Variants in REV3L observed in about 807,000 individuals in gnomAD.
REV3L encodes the protein DNA polymerase zeta catalytic subunit.
REV3L carries 69 observed loss-of-function variants against 299.4 expected under a neutral mutation model. The ratio of observed to expected loss-of-function variants is 0.23; its 90% CI spans 0.19 to 0.28. The LOEUF is 0.28. REV3L is among the 10% of genes least tolerant of loss of function. The pLI, the probability that REV3L is intolerant of heterozygous loss-of-function variation, is 1.00. For synonymous variants in REV3L, 1,238 were observed against 1,271.4 expected, an observed-to-expected ratio of 0.97 and a Z score of 0.56; for missense variants, 3,128 against 3,693.8, an observed-to-expected ratio of 0.85 and a Z score of 3.97.
intron 9 of REV3L, among the ~76,000 whole-genome samples, chr6:111,385,244 A>G (rs931945840): frequency 2.0e-5 from 3 of 152,122 alleles, no homozygotes; most frequent in Non-Finnish European, 4.4e-5. Context: ...AAAATAACTA[A>G]AAGTATAATT....
intron 11 of REV3L, among the ~76,000 whole-genome samples, chr6:111,378,539 A>T (rs952441090): frequency 6.6e-6 from 1 of 152,200 alleles, no homozygotes; most frequent in African/African-American, 2.4e-5. Flanking sequence ...TCAGAGGTCC[A>T]GTCCAACTTT....
chr6:111,317,257 A>G (rs995870093), intron 26 of REV3L, among the ~76,000 whole-genome samples: 28 of 152,232 alleles, frequency 1.8e-4, no homozygotes, highest in Admixed American at 1.4e-3. Flanking sequence ...TACTTGCCTG[A>G]CAGCCTAATA....
At chr6:111,471,294 C>A (rs1216939010) in intron 1 of REV3L, among the ~76,000 whole-genome samples, 1 of 151,210 alleles carries the variant, frequency 6.6e-6, no homozygotes, top group Non-Finnish European at 1.5e-5. Flanking sequence ...AAATAAGGTT[C>A]TTTTCAGGTC....
At chr6:111,306,283 A>G (rs1270781597) in intron 31 of REV3L, among the ~76,000 whole-genome samples, 1 of 152,140 alleles carries the variant, frequency 6.6e-6, no homozygotes, top group Admixed American at 6.5e-5. Flanking sequence ...TCCTGGCAGA[A>G]GGAGCAGGGT....
At chr6:111,408,217 G>A (rs1208327903) in intron 3 of REV3L, among the ~76,000 whole-genome samples, 2 of 152,192 alleles carry the variant, frequency 1.3e-5, no homozygotes, top group African/African-American at 4.8e-5. Context: ...GAGAATGGAT[G>A]TAAATGCAAT....
chr6:111,449,384 C>A (rs1361765616), intron 1 of REV3L, among the ~76,000 whole-genome samples: 1 of 119,224 alleles, frequency 8.4e-6, no homozygotes, highest in African/African-American at 2.5e-5. Context: ...TAGTAGAATA[C>A]CGGGAGAAGA....
chr6:111,483,157 G>A lies in REV3L; in HGVS notation c.-269C>T, dbSNP rs535257653. 8.2e-6 allele frequency: 4 copies of A among 489,632 alleles called. No homozygotes were observed. The South Asian group carries it at 1.1e-4, about 13-fold the overall frequency. 30.3% of individuals were successfully genotyped at this position (489,632 alleles called of 1,614,324 possible). Reference sequence around the variant, plus strand: ...TGCTGCCGCCACTGCCGCCACCGCCGGGAATCACACGGGCTCCTCGGTCCC... The same window carrying A: ...TGCTGCCGCCACTGCCGCCACCGCCAGGAATCACACGGGCTCCTCGGTCCC... On this transcript the variant is annotated 5_prime_UTR_variant, in exon 1 of 32. Coordinates refer to ENST00000368802, the MANE Select transcript of REV3L (RefSeq NM_001372078.1).
At chr6:111,395,876 TATC>T (rs992927567) in intron 4 of REV3L, among the ~76,000 whole-genome samples, 7 of 152,212 alleles carry the variant, frequency 4.6e-5, no homozygotes, top group African/African-American at 1.7e-4. Context: ...ATGATTAACT[TATC>T]AAGAGTTTTT....
intron 23 of REV3L, 103 bp downstream of exon 23, chr6:111,333,019 TC>T: frequency 7.5e-7 from 1 of 1,341,910 alleles, no homozygotes; most frequent in Non-Finnish European, 1.0e-6. Context: ...TTTATCTTGC[TC>T]ATAGGGAAGG....
At chr6:111,313,632 G>T in intron 27 of REV3L, 143 bp from the exon 28 acceptor site, 1 of 725,396 alleles carries the variant, frequency 1.4e-6, no homozygotes, top group Non-Finnish European at 2.1e-6. Flanking sequence ...ACAAATTCAT[G>T]ATATAACACG....
intron 24 of REV3L, chr6:111,330,998 T>TG (rs1351483136): frequency 5.1e-6 from 5 of 985,182 alleles, no homozygotes; most frequent in Non-Finnish European, 6.0e-6. Context: ...TGAGGGCTGG[T>TG]GGGGTCCACT....
intron 27 of REV3L, among the ~76,000 whole-genome samples, chr6:111,313,783 A>C (rs557606841): frequency 6.6e-6 from 1 of 152,068 alleles, no homozygotes; most frequent in South Asian, 2.1e-4. Flanking sequence ...TCTCAACTTT[A>C]TTTTTCCGGA....
In REV3L at chr6:111,367,115, C is replaced by G. The variant is rs1562191839; in HGVS notation, c.6673G>C (p.Glu2225Gln). The G allele has an allele frequency of 1.3e-6, 2 of 1,564,338 alleles. No homozygotes were observed. The highest frequency in any genetic ancestry group is 1.7e-6 in the Non-Finnish European group (2 of 1,159,386). Reference sequence around the variant, plus strand: ...GACTTCCTGTTATTTGTACACTTACCTGTTGATAATGGGCTAAGGCCAGGT... The same window carrying G: ...GACTTCCTGTTATTTGTACACTTACGTGTTGATAATGGGCTAAGGCCAGGT... ...EAPGLSPLST[E>Q]PKTQKLSNKK... Residue 2225 changes from glutamate to glutamine, a missense_variant and splice_region_variant, in exon 14 of 32, where the codon GAA becomes CAA. This residue lies in a region of REV3L where 2,409 missense variants were observed against 2,611.8 expected (regional missense o/e 0.92). Transcript: ENST00000368802.
chr6:111,404,237 A>C (rs1407268914), intron 4 of REV3L, among the ~76,000 whole-genome samples: 3 of 152,188 alleles, frequency 2.0e-5, no homozygotes, highest in Non-Finnish European at 4.4e-5. Context: ...CTATAAGTGG[A>C]TCAAAAAAGC....
chr6:111,472,612 A>G (rs900319630), intron 1 of REV3L, among the ~76,000 whole-genome samples: 4 of 152,082 alleles, frequency 2.6e-5, no homozygotes, highest in African/African-American at 7.2e-5. Flanking sequence ...TTCCATTGAC[A>G]ATTACTACTC....
Position 111,351,700 on chromosome 6 carries a change from A to C in REV3L, c.7276T>G (p.Cys2426Gly), listed in dbSNP as rs144638586. 1 of 1,613,616 alleles carries C rather than the reference A, an allele frequency of 6.2e-7. No individual in the cohort carries two copies. Among genetic ancestry groups the C allele is most frequent in the Non-Finnish European group, 8.5e-7 (1 of 1,179,692 alleles). Reference protein sequence around the residue: ...QRAAALSIDLCRMISRVPDDK... With the variant: ...QRAAALSIDLGRMISRVPDDK... ...CCTGGCACCCGAGAGATCATCCGAC[A>C]TAAGTCAATACTTAAAGCGGCAGCC... is the stretch of plus-strand genomic sequence containing the variant. The change falls in exon 19 of 32, where the codon TGT becomes GGT. Residue 2426 changes from cysteine (C) to glycine (G), a missense_variant. Coordinates refer to ENST00000368802, the MANE Select transcript of REV3L (RefSeq NM_001372078.1).
intron 1 of REV3L, chr6:111,472,200 TG>T: frequency 1.9e-6 from 2 of 1,064,408 alleles, no homozygotes; most frequent in Non-Finnish European, 2.5e-6. Context: ...TATGCCAACA[TG>T]TTTTAACTTT....
rs766295255 is a variant in REV3L at position 111,459,650 on chromosome 6, CA to C, written c.139+23099del. Among the ~76,000 whole-genome samples, 1,296 of 149,504 alleles carry C rather than the reference CA, an allele frequency of 8.7e-3. 12 individuals are homozygous for C. Among genetic ancestry groups the C allele is most frequent in the African/African-American group, 0.03 (1,225 of 40,786 alleles). On this transcript the variant is annotated intron_variant, in intron 1 of 31. Transcript: ENST00000368802. ...TCTCAAAAGAAGACATACAAATGGC[CA>C]AAAAAAAATTGAAAAAATGCTCATC...
In REV3L at chr6:111,416,372, T is replaced by C; in HGVS notation, c.240A>G (p.Ala80=). ...CATTAAGTGCTCTGTCGATACTGAA[T>C]GCCATCTGAGAAAGATAGCTTTCTG... The part of the protein sequence containing the change: ...QQPESYLSQM[A]FSIDRALNVA... Residue 80 remains alanine (A), a synonymous_variant, in exon 2 of 32, where the codon GCA becomes GCG. Transcript: ENST00000368802. The C allele has an allele frequency of 3.7e-6, 6 of 1,613,898 alleles. No individual in the cohort carries two copies. Among genetic ancestry groups the C allele is most frequent in the Non-Finnish European group, 4.2e-6 (5 of 1,179,808 alleles).
Sources: allele counts gnomAD v4.1 joint callset (sites outside exome capture counted in the v4.1 genomes callset), GRCh38; gene constraint gnomAD v4.1.1; regional missense constraint gnomAD v4.1.1; transcripts MANE v1.5; gene names NCBI Gene and HGNC (gene_info 2026-07-23, HGNC 2026-07-21).